Variants in MYLK observed in about 807,000 individuals in gnomAD.
The protein encoded by MYLK is myosin light chain kinase.
Under a neutral mutation model 203.4 loss-of-function variants are expected in MYLK, and 106 were observed. The ratio of observed to expected loss-of-function variants is 0.52; its 90% CI spans 0.45 to 0.61. The LOEUF is 0.61. MYLK is among the 20% of genes least tolerant of loss of function. The pLI is 0.00. For missense variants in MYLK, 2,072 were observed against 2,442.3 expected, an observed-to-expected ratio of 0.85 and a Z score of 3.20; for synonymous variants, 867 against 959.5, an observed-to-expected ratio of 0.90 and a Z score of 1.78.
intron 23 of MYLK, 119 bp downstream of exon 23, chr3:123,663,986 C>T: frequency 7.1e-7 from 1 of 1,414,462 alleles, no homozygotes. Flanking sequence ...CCTTATAAAT[C>T]AGGCACAGGA....
At chr3:123,674,724 C>T (rs1205896322) in intron 20 of MYLK, among the ~76,000 whole-genome samples, 1 of 152,238 alleles carries the variant, frequency 6.6e-6, no homozygotes, top group Non-Finnish European at 1.5e-5. Context: ...TCAGTTTCTG[C>T]AACACCAGGC....
intron 4 of MYLK, among the ~76,000 whole-genome samples, chr3:123,779,753 G>A (rs562752502): frequency 2.6e-5 from 4 of 152,180 alleles, no homozygotes; most frequent in Admixed American, 6.5e-5. Context: ...TCTCCCACCC[G>A]CCTTTATTTC....
chr3:123,827,870 T>C (rs1326450548), intron 3 of MYLK, among the ~76,000 whole-genome samples: 16 of 147,058 alleles, frequency 1.1e-4, no homozygotes, highest in African/African-American at 3.8e-4. Flanking sequence ...TGAAAAGAAA[T>C]CAAGAAAGCA....
chr3:123,677,087 C>T (rs1467121223), intron 20 of MYLK, among the ~76,000 whole-genome samples: 1 of 152,116 alleles, frequency 6.6e-6, no homozygotes, highest in Non-Finnish European at 1.5e-5. Context: ...AACCTGTATG[C>T]TTAAGGCCTC....
chr3:123,783,623 CCTGT>C (rs1214411328), intron 4 of MYLK, among the ~76,000 whole-genome samples: 3 of 152,064 alleles, frequency 2.0e-5, no homozygotes, highest in Non-Finnish European at 2.9e-5. Flanking sequence ...AGAAGTAATT[CCTGT>C]CTACTGTTTA....
chr3:123,837,939 A>G (rs1442104582), intron 2 of MYLK, among the ~76,000 whole-genome samples: 1 of 152,202 alleles, frequency 6.6e-6, no homozygotes, highest in East Asian at 1.9e-4. Flanking sequence ...ATAATATCAA[A>G]TGGTCTAATA....
chr3:123,770,406 C>T (rs74748506), intron 4 of MYLK, among the ~76,000 whole-genome samples: 10,693 of 152,252 alleles, frequency 0.07, 1,205 homozygotes, highest in African/African-American at 0.24. Context: ...ATCAACTAGA[C>T]AAAATTAGTG....
intron 31 of MYLK, chr3:123,620,574 A>T: frequency 1.5e-6 from 2 of 1,337,334 alleles, no homozygotes; most frequent in East Asian, 3.1e-5. Flanking sequence ...TGTGTGCGTT[A>T]ATGTGACTAA....
chr3:123,620,497 C>G, intron 31 of MYLK, 161 bp from the exon 32 acceptor site: 1 of 1,531,314 alleles, frequency 6.5e-7, no homozygotes, highest in Non-Finnish European at 8.8e-7. Context: ...CGAACCCAAC[C>G]TTGCTCTGCT....
rs1359942107 is a variant in MYLK, at chr3:123,611,599, G to T, written c.*2506C>A. 6.6e-6 allele frequency: 1 copy of T among 151,810 alleles called. No individual in the cohort carries two copies. The highest frequency in any genetic ancestry group is 6.6e-5 in the Admixed American group (1 of 15,222). 9.4% of individuals were successfully genotyped at this position (151,810 alleles called of 1,614,324 possible). On this transcript the variant is annotated 3_prime_UTR_variant, in exon 34 of 34. Coordinates refer to ENST00000360304, the MANE Select transcript of MYLK (RefSeq NM_053025.4). The stretch of plus-strand genomic sequence containing the variant: ...AGTTTTTCCATGGACCAGGAGAGGG[G>T]GTGGTTTTGGGATTATTCAAGCACA...
intron 5 of MYLK, among the ~76,000 whole-genome samples, chr3:123,748,104 T>C (rs999074783): frequency 3.3e-5 from 5 of 152,188 alleles, no homozygotes; most frequent in African/African-American, 1.2e-4. Flanking sequence ...TATCTGCTCT[T>C]GGTGAGGGCC....
chr3:123,725,802 G>T, intron 12 of MYLK, 142 bp downstream of exon 12: 1 of 1,254,110 alleles, frequency 8.0e-7, no homozygotes, highest in East Asian at 2.4e-5. Flanking sequence ...CCCAGTGCCC[G>T]TGCTCTCTTT....
At chr3:123,626,196 C>T (rs1387522196) in intron 31 of MYLK, among the ~76,000 whole-genome samples, 1 of 152,210 alleles carries the variant, frequency 6.6e-6, no homozygotes, top group South Asian at 2.1e-4. Flanking sequence ...TCTGGACACT[C>T]ACCATGTGCC....
chr3:123,865,355 C>G (rs191825282), intron 2 of MYLK, among the ~76,000 whole-genome samples: 24 of 152,302 alleles, frequency 1.6e-4, no homozygotes, highest in African/African-American at 5.5e-4. Flanking sequence ...CCACAGGAAT[C>G]TATTCCTAAC....
chr3:123,614,044 T>TTTG lies in MYLK; in HGVS notation c.*60_*61insCAA. ...CTATCTTGAGTTTTTTTTTTTTTTT[T>TTTG]GAGTTTTAGAGAAATAGTCCTTTTA... is the stretch of plus-strand genomic sequence containing the variant. On this transcript the variant is annotated 3_prime_UTR_variant, in exon 34 of 34. Coordinates refer to ENST00000360304, the MANE Select transcript of MYLK (RefSeq NM_053025.4). The TTTG allele has an allele frequency of 1.3e-6, 2 of 1,548,694 alleles. No homozygotes were observed. The highest frequency in any genetic ancestry group is 1.7e-6 in the Non-Finnish European group (2 of 1,145,164).
intron 2 of MYLK, among the ~76,000 whole-genome samples, chr3:123,861,617 T>C (rs916225911): frequency 6.6e-6 from 1 of 152,222 alleles, no homozygotes; most frequent in African/African-American, 2.4e-5. Context: ...TTTGGCCATT[T>C]ACATCTGGCA....
At chr3:123,713,475 C>T (rs999194554) in intron 13 of MYLK, among the ~76,000 whole-genome samples, 5 of 151,898 alleles carry the variant, frequency 3.3e-5, no homozygotes, top group African/African-American at 9.7e-5. Flanking sequence ...CCATGGTGAC[C>T]GCTCCAGGAC....
chr3:123,663,796 C>T (rs1165955927), intron 23 of MYLK, among the ~76,000 whole-genome samples: 1 of 152,122 alleles, frequency 6.6e-6, no homozygotes, highest in Non-Finnish European at 1.5e-5. Flanking sequence ...TCTCTTATTT[C>T]TCAAATAAGC....
intron 18 of MYLK, among the ~76,000 whole-genome samples, chr3:123,696,850 T>C (rs1011836307): frequency 1.3e-5 from 2 of 152,216 alleles, no homozygotes; most frequent in Admixed American, 1.3e-4. Context: ...CCCTACTGCC[T>C]TTAGACTGGA....
Sources: allele counts gnomAD v4.1 joint callset (sites outside exome capture counted in the v4.1 genomes callset), GRCh38; gene constraint gnomAD v4.1.1; transcripts MANE v1.5; gene names NCBI Gene and HGNC (gene_info 2026-07-23, HGNC 2026-07-21).